Variants in CCDC148 observed in about 807,000 individuals in gnomAD.
The protein encoded by CCDC148 is coiled-coil domain-containing protein 148.
In CCDC148, 89 loss-of-function variants were observed where a neutral mutation model predicts 85.7. That is an observed-to-expected ratio of 1.04 (90% CI 0.87 to 1.24). CCDC148 has a LOEUF of 1.24. Ranked by LOEUF, CCDC148 falls within the 50% of genes most tolerant of loss-of-function variation. The pLI, the probability that CCDC148 is intolerant of heterozygous loss-of-function variation, is 0.00. For synonymous variants in CCDC148, 230 were observed against 213.9 expected (o/e 1.08, Z -0.66); for missense variants, 692 against 671.7 (o/e 1.03, Z -0.33).
chr2:158,219,693 C>G (rs1421609685), intron 11 of CCDC148, among the ~76,000 whole-genome samples: 1 of 152,206 alleles, frequency 6.6e-6, no homozygotes, highest in Non-Finnish European at 1.5e-5. Flanking sequence ...TTTGGCCTGC[C>G]TGCATCCAAG....
chr2:158,203,401 G>A (rs1161657026), intron 11 of CCDC148, among the ~76,000 whole-genome samples: 2 of 152,200 alleles, frequency 1.3e-5, no homozygotes, highest in South Asian at 2.1e-4. Context: ...CCTGAACCAC[G>A]ATGTTTGGGC....
At chr2:158,179,166 A>ATTTTTTTTTTTCT (rs1684749063) in intron 11 of CCDC148, among the ~76,000 whole-genome samples, 170 bp from the exon 12 acceptor site, 1 of 82,824 alleles carries the variant, frequency 1.2e-5, no homozygotes, top group Non-Finnish European at 2.2e-5. Flanking sequence ...ATAAAATGCA[A>ATTTTTTTTTTTCT]TTTTTTTTTT....
Position 158,178,925 on chromosome 2 carries a change from T to C in CCDC148, c.1442A>G (p.His481Arg), listed in dbSNP as rs1249610773. The C allele has an allele frequency of 3.1e-6, 5 of 1,613,638 alleles. No individual in the cohort carries two copies. The highest frequency in any genetic ancestry group is 2.5e-6 in the Non-Finnish European group (3 of 1,179,724). ...EKKEVALQEAHEDKERARRLE... is the reference protein window; with the variant it reads ...EKKEVALQEAREDKERARRLE... ...CCGCCGTGCTCTCTCTTTGTCTTCA[T>C]GAGCTTCTTGAAGGGCCACTTCCTT... Residue 481 changes from histidine (H) to arginine (R), a missense_variant, in exon 12 of 14, where the codon CAT becomes CGT. Coordinates refer to ENST00000283233, the MANE Select transcript of CCDC148 (RefSeq NM_138803.4).
chr2:158,209,142 A>T (rs766432533), intron 11 of CCDC148, among the ~76,000 whole-genome samples: 8 of 151,804 alleles, frequency 5.3e-5, no homozygotes, highest in South Asian at 4.2e-4. Context: ...ACACATACAT[A>T]TTTTTTTTCA....
intron 10 of CCDC148, among the ~76,000 whole-genome samples, chr2:158,239,739 C>T (rs1219258325): frequency 6.6e-6 from 1 of 152,072 alleles, no homozygotes; most frequent in Non-Finnish European, 1.5e-5. Flanking sequence ...AATTTCTTCA[C>T]ACATACAATA....
intron 10 of CCDC148, among the ~76,000 whole-genome samples, chr2:158,240,432 T>C (rs1046988801): frequency 1.1e-4 from 9 of 78,282 alleles, no homozygotes; most frequent in Non-Finnish European, 2.6e-4. Flanking sequence ...GATCACTCTC[T>C]CTTTCTCTCT....
In CCDC148 at chr2:158,392,635, T is replaced by C. The variant is rs77667355; in HGVS notation, c.26-34065A>G. On this transcript the variant is annotated intron_variant, in intron 1 of 13. Coordinates refer to ENST00000283233, the MANE Select transcript of CCDC148 (RefSeq NM_138803.4). ...ACCTATATTTGTAAACTATTACAAT[T>C]ATCATAAATTATTTGCATTACTATA... Among the ~76,000 whole-genome samples the C allele has an allele frequency of 4.6e-3, 707 of 152,228 alleles. 1 individual carries two copies. The highest frequency in any genetic ancestry group is 0.016 in the African/African-American group (645 of 41,564).
intron 9 of CCDC148, among the ~76,000 whole-genome samples, chr2:158,275,125 C>T (rs1430325445): frequency 6.6e-6 from 1 of 152,180 alleles, no homozygotes; most frequent in Non-Finnish European, 1.5e-5. Context: ...CCCCTTCATC[C>T]CTACTTCCTC....
chr2:158,249,042 C>A (rs866210430), intron 10 of CCDC148, among the ~76,000 whole-genome samples: 1 of 152,090 alleles, frequency 6.6e-6, no homozygotes, highest in Admixed American at 6.6e-5. Context: ...AGTGATGTCC[C>A]TCCATCCTCT....
At chr2:158,317,464 A>G (rs566346365) in intron 7 of CCDC148, among the ~76,000 whole-genome samples, 1 of 152,300 alleles carries the variant, frequency 6.6e-6, no homozygotes, top group Non-Finnish European at 1.5e-5. Context: ...ATATCATTTT[A>G]TTATGATTTC....
Position 158,391,526 on chromosome 2 carries a change from C to A in CCDC148, c.26-32956G>T, listed in dbSNP as rs778448364. ...AATGATCTTTCCTTATTTCTGAAAA[C>A]ACAAGTATATTGCTAGTCCATATTG... On this transcript the variant is annotated intron_variant, in intron 1 of 13. Transcript: ENST00000283233. 2.6e-5 allele frequency among the ~76,000 whole-genome samples: 4 copies of A among 152,084 alleles called. No homozygotes were observed. In the South Asian group the frequency reaches 8.3e-4, roughly 32 times the overall value.
At chr2:158,254,566 A>G (rs1400474355) in intron 9 of CCDC148, among the ~76,000 whole-genome samples, 2 of 151,698 alleles carry the variant, frequency 1.3e-5, no homozygotes, top group Non-Finnish European at 1.5e-5. Flanking sequence ...AATATAATGC[A>G]TATGCAAAGA....
intron 10 of CCDC148, among the ~76,000 whole-genome samples, chr2:158,226,312 A>C (rs1156423538): frequency 1.3e-5 from 2 of 152,216 alleles, no homozygotes; most frequent in Non-Finnish European, 1.5e-5. Context: ...GGCAATAATT[A>C]ATAGCTTACC....
In CCDC148 at chr2:158,352,870, C is replaced by T. The variant is rs941016621; in HGVS notation, c.147+5579G>A. ...AAAGGGAAGCCCATCAGACTAGCAG[C>T]GGATCTCTTGGCAGAAACCCTACAA... is the stretch of plus-strand genomic sequence containing the variant. On this transcript the variant is annotated intron_variant, in intron 2 of 13. Coordinates refer to ENST00000283233, the MANE Select transcript of CCDC148 (RefSeq NM_138803.4). Among the ~76,000 whole-genome samples the T allele has an allele frequency of 8.5e-5, 13 of 152,176 alleles. No individual in the cohort carries two copies. In the South Asian group the frequency reaches 1.0e-3, roughly 12 times the overall value.
intron 1 of CCDC148, among the ~76,000 whole-genome samples, chr2:158,367,195 C>T (rs1021988480): frequency 3.9e-5 from 6 of 152,144 alleles, no homozygotes; most frequent in Non-Finnish European, 1.5e-5. Flanking sequence ...GCATTCCACA[C>T]CCAAAGATAA....
intron 11 of CCDC148, among the ~76,000 whole-genome samples, chr2:158,186,499 G>A (rs1685162743): frequency 6.6e-6 from 1 of 152,044 alleles, no homozygotes; most frequent in Non-Finnish European, 1.5e-5. Flanking sequence ...TCTGTGACTT[G>A]AGCTTAGCAA....
intron 1 of CCDC148, among the ~76,000 whole-genome samples, chr2:158,375,291 A>G (rs1682362967): frequency 6.6e-6 from 1 of 152,128 alleles, no homozygotes; most frequent in Non-Finnish European, 1.5e-5. Flanking sequence ...AATTTTGTAT[A>G]TAATGAAATA....
chr2:158,349,478 T>C (rs961552067), intron 2 of CCDC148, among the ~76,000 whole-genome samples: 1 of 151,924 alleles, frequency 6.6e-6, no homozygotes, highest in Non-Finnish European at 1.5e-5. Flanking sequence ...ATAAGAGAGA[T>C]ACTATTATAA....
At chr2:158,359,228 C>G (rs1033620412) in intron 1 of CCDC148, among the ~76,000 whole-genome samples, 1 of 152,024 alleles carries the variant, frequency 6.6e-6, no homozygotes, top group African/African-American at 2.4e-5. Context: ...TTGAGTAAAT[C>G]GAACAAAACA....
Sources: gnomAD v4.1 joint callset for allele counts (sites outside exome capture counted in the v4.1 genomes callset) on GRCh38, gnomAD v4.1.1 for gene constraint, MANE v1.5 for transcripts, NCBI Gene and HGNC (gene_info 2026-07-23, HGNC 2026-07-21) for gene names.